PMM2: variants seen among roughly 807,000 people sequenced by gnomAD.
PMM2 encodes mannose-6-phosphate isomerase.
Under a neutral mutation model 33.2 loss-of-function variants are expected in PMM2, and 35 were observed. That is an observed-to-expected ratio of 1.06 (90% CI 0.81 to 1.40). The LOEUF (loss-of-function observed/expected upper bound fraction) is 1.40. Among genes scored for constraint, PMM2 ranks in the 40% most tolerant of loss-of-function variants. The probability of loss-of-function intolerance (pLI) is 0.00; values close to 1 mark genes in which losing one functional copy is unlikely to be tolerated. For missense variants in PMM2, 386 were observed against 306.0 expected, an observed-to-expected ratio of 1.26 and a Z score of -1.95; for synonymous variants, 153 against 114.7, an observed-to-expected ratio of 1.33 and a Z score of -2.13.
chr16:8,803,775 C>G (rs1333651963), intron 2 of PMM2, among the ~76,000 whole-genome samples: 1 of 151,842 alleles, frequency 6.6e-6, no homozygotes, highest in Non-Finnish European at 1.5e-5. Flanking sequence ...CCTCTGCGTC[C>G]TGGGTTCAAG....
At chr16:8,810,777 A>G in intron 4 of PMM2, 3 of 412,878 alleles carry the variant, frequency 7.3e-6, no homozygotes, top group South Asian at 2.2e-5. Flanking sequence ...GAGTTTCGCC[A>G]TGTTGTCCAG....
At chr16:8,800,004 T>C (rs2060603868) in intron 1 of PMM2, among the ~76,000 whole-genome samples, 2 of 152,226 alleles carry the variant, frequency 1.3e-5, no homozygotes, top group Non-Finnish European at 2.9e-5. Context: ...ATCATTGAAC[T>C]CCAAGTGTTT....
chr16:8,846,769 C>T (rs759187118), intron 7 of PMM2, among the ~76,000 whole-genome samples: 26 of 152,208 alleles, frequency 1.7e-4, no homozygotes, highest in Non-Finnish European at 2.5e-4. Flanking sequence ...GGCGCAGCCA[C>T]ACTGCTGCTC....
At position 8,797,876 on chromosome 16, in the gene PMM2, T is replaced by TG. The variant is rs759723066; in HGVS notation, c.-3dup. 1 of 1,611,372 alleles carries TG rather than the reference T, an allele frequency of 6.2e-7. No homozygotes were observed. The highest frequency in any genetic ancestry group is 8.5e-7 in the Non-Finnish European group (1 of 1,179,120). On this transcript the variant is annotated 5_prime_UTR_variant, in exon 1 of 8. Transcript: ENST00000268261. ...TGTCTTGTAAGGTGCGGCTAGAAAC[T>TG]GGGGACATGGCAGCGCCTGGCCCAG...
At chr16:8,841,241 G>A (rs1447474891) in intron 7 of PMM2, among the ~76,000 whole-genome samples, 2 of 151,066 alleles carry the variant, frequency 1.3e-5, no homozygotes, top group African/African-American at 4.9e-5. Flanking sequence ...GATTTGACTA[G>A]TAAAGGCTGG....
At chr16:8,823,867 A>G (rs962712764) in intron 7 of PMM2, among the ~76,000 whole-genome samples, 2 of 152,270 alleles carry the variant, frequency 1.3e-5, no homozygotes, top group South Asian at 2.1e-4. Context: ...AGGGACTTCT[A>G]TTGGCTCTGT....
At chr16:8,811,598 G>T in intron 5 of PMM2, 40 bp from the exon 6 acceptor site, 2 of 1,245,618 alleles carry the variant, frequency 1.6e-6, no homozygotes, top group Non-Finnish European at 1.2e-6. Context: ...TTTCTAAACT[G>T]CAATACAAGA....
intron 7 of PMM2, among the ~76,000 whole-genome samples, chr16:8,828,570 T>C (rs2060791948): frequency 6.6e-6 from 1 of 152,162 alleles, no homozygotes; most frequent in African/African-American, 2.4e-5. Flanking sequence ...CAAAAATTCA[T>C]GCCCTCTGGA....
chr16:8,801,352 A>G (rs1426512345), intron 1 of PMM2, among the ~76,000 whole-genome samples: 1 of 152,222 alleles, frequency 6.6e-6, no homozygotes, highest in Non-Finnish European at 1.5e-5. Flanking sequence ...TGAACTATGT[A>G]CAGAGCTGGT....
intron 7 of PMM2, among the ~76,000 whole-genome samples, chr16:8,833,484 A>G (rs1000378091): frequency 7.2e-5 from 11 of 152,172 alleles, no homozygotes; most frequent in South Asian, 4.2e-4. Context: ...GCCTTCTTAT[A>G]TTAATAAGAA....
chr16:8,822,107 T>G (rs1466840575), intron 7 of PMM2, among the ~76,000 whole-genome samples: 1 of 152,216 alleles, frequency 6.6e-6, no homozygotes, highest in East Asian at 1.9e-4. Flanking sequence ...AATTTGGGGA[T>G]CAGAGTTTTT....
chr16:8,838,669 A>G (rs969269111), intron 7 of PMM2, among the ~76,000 whole-genome samples: 1 of 152,050 alleles, frequency 6.6e-6, no homozygotes, highest in African/African-American at 2.4e-5. Context: ...GGATGAATTG[A>G]GAAACTAAAC....
At chr16:8,815,078 C>T (rs1018597188) in intron 7 of PMM2, among the ~76,000 whole-genome samples, 2 of 152,178 alleles carry the variant, frequency 1.3e-5, no homozygotes, top group Non-Finnish European at 2.9e-5. Context: ...CAAGGGGAAT[C>T]ATGCAGTATT....
chr16:8,836,123 G>C (rs1297501750), intron 7 of PMM2, among the ~76,000 whole-genome samples: 7 of 151,180 alleles, frequency 4.6e-5, no homozygotes, highest in African/African-American at 1.7e-4. Context: ...CAGTTACGGA[G>C]GCAAGGGAAA....
At chr16:8,799,647 A>T (rs2060600976) in intron 1 of PMM2, among the ~76,000 whole-genome samples, 1 of 152,052 alleles carries the variant, frequency 6.6e-6, no homozygotes, top group Non-Finnish European at 1.5e-5. Flanking sequence ...TCCCAGGTTC[A>T]AGCAATTCTC....
In PMM2 at chr16:8,832,762, G is replaced by C. The variant is rs114082588; in HGVS notation, c.640-14962G>C. On this transcript the variant is annotated intron_variant, in intron 7 of 7. Transcript: ENST00000268261. ...CAGGCGGCTACCCGTGAAATCCCAG[G>C]TGCTTACCACAATCTGTGAGGCCCG... is the stretch of plus-strand genomic sequence containing the variant. 2,233 of 984,608 alleles carry C rather than the reference G, an allele frequency of 2.3e-3. 54 individuals are homozygous for C. The African/African-American group carries it at 0.036, about 16-fold the overall frequency. The allele number at this position is 984,608 out of a possible 1,614,324, so 61.0% of individuals were successfully genotyped here.
intron 7 of PMM2, among the ~76,000 whole-genome samples, chr16:8,841,513 G>T (rs972843241): frequency 1.4e-4 from 19 of 138,954 alleles, no homozygotes; most frequent in African/African-American, 4.5e-4. Flanking sequence ...AATCCCTGAG[G>T]AGTAGTAGAA....
rs1480799173 is a variant in PMM2, at chr16:8,847,935, C to A, written c.*110C>A. ...CTCACCCACCCGCAGCCTAGGCAGGCTCTGCATGCTATGCCAGGCATGTGC... is the reference window on the plus strand; with the variant it reads ...CTCACCCACCCGCAGCCTAGGCAGGATCTGCATGCTATGCCAGGCATGTGC... On this transcript the variant is annotated 3_prime_UTR_variant, in exon 8 of 8. Transcript: ENST00000268261. The A allele has an allele frequency of 2.6e-6, 2 of 768,460 alleles. No individual in the cohort carries two copies. The highest frequency in any genetic ancestry group is 2.0e-5 in the Admixed American group (1 of 50,098). The allele number at this position is 768,460 out of a possible 1,614,324, so 47.6% of individuals were successfully genotyped here.
intron 4 of PMM2, chr16:8,806,624 G>T: frequency 1.7e-6 from 1 of 591,154 alleles, no homozygotes; most frequent in Non-Finnish European, 3.0e-6. Flanking sequence ...GGTGCTGCTG[G>T]TTCACAGCAG....
Sources: gnomAD v4.1 joint callset for allele counts (sites outside exome capture counted in the v4.1 genomes callset) on GRCh38, gnomAD v4.1.1 for gene constraint, MANE v1.5 for transcripts, NCBI Gene and HGNC (gene_info 2026-07-23, HGNC 2026-07-21) for gene names.